DOCK9: variants seen among roughly 807,000 people sequenced by gnomAD.
The protein encoded by DOCK9 is dedicator of cytokinesis 9, also known as dedicator of cytokinesis protein 9.
In DOCK9, 89 loss-of-function variants were observed where a neutral mutation model predicts 263.3. The observed-to-expected ratio is 0.34, with a 90% CI of 0.28 to 0.40. The LOEUF (loss-of-function observed/expected upper bound fraction) is 0.40. Ranked by LOEUF, DOCK9 falls within the 10% of genes least tolerant of loss-of-function variation. DOCK9 has a pLI of 1.00. For synonymous variants in DOCK9, 976 were observed against 973.1 expected (o/e 1.00, Z -0.06); for missense variants, 2,140 against 2,603.4 (o/e 0.82, Z 3.87).
chr13:98,980,633 C>A (rs757526432), upstream of DOCK9, among the ~76,000 whole-genome samples: 1 of 152,234 alleles, frequency 6.6e-6, no homozygotes, highest in Non-Finnish European at 1.5e-5. Context: ...ATGGTAACTA[C>A]TGTATTGTTG....
At chr13:98,942,241 T>G (rs555670511) in intron 2 of DOCK9, among the ~76,000 whole-genome samples, 156 of 149,280 alleles carry the variant, frequency 1.0e-3, no homozygotes, top group African/African-American at 3.4e-3. Context: ...TGTTGTTTTT[T>G]TTTTTTGTTT....
chr13:98,835,994 C>A (rs1195814839), intron 39 of DOCK9, among the ~76,000 whole-genome samples: 1 of 152,066 alleles, frequency 6.6e-6, no homozygotes, highest in African/African-American at 2.4e-5. Flanking sequence ...CCTTGGCCTC[C>A]CAAAGTGCTG....
intron 18 of DOCK9, among the ~76,000 whole-genome samples, chr13:98,887,748 A>G (rs1293706416): frequency 6.6e-6 from 1 of 152,010 alleles, no homozygotes; most frequent in East Asian, 1.9e-4. Flanking sequence ...AGTTACCTAT[A>G]ATCTACTGCT....
intron 45 of DOCK9, among the ~76,000 whole-genome samples, chr13:98,810,986 A>T (rs997927644): frequency 1.2e-4 from 19 of 152,190 alleles, no homozygotes; most frequent in African/African-American, 4.6e-4. Flanking sequence ...GAATTCTAAG[A>T]AATGCTCCTA....
At position 98,932,821 on chromosome 13, in the gene DOCK9, C is replaced by T. The variant is rs572118444; in HGVS notation, c.244-2564G>A. 3.3e-5 allele frequency among the ~76,000 whole-genome samples: 5 copies of T among 152,274 alleles called. No homozygotes were observed. In the East Asian group the frequency reaches 5.8e-4, roughly 18 times the overall value. ...ATGAATTCTGTTCTTCACCAAAGTCCTTGGCAGGTAAATTATTTATTCCTT... is the reference window on the plus strand; with the variant it reads ...ATGAATTCTGTTCTTCACCAAAGTCTTTGGCAGGTAAATTATTTATTCCTT... On this transcript the variant is annotated intron_variant, in intron 2 of 52. Transcript: ENST00000682017.
At chr13:98,815,478 G>A (rs1436771681) in intron 45 of DOCK9, among the ~76,000 whole-genome samples, 1 of 151,766 alleles carries the variant, frequency 6.6e-6, no homozygotes, top group Non-Finnish European at 1.5e-5. Flanking sequence ...TTTTTTGTTT[G>A]TTTGTTTGTT....
intron 1 of DOCK9, among the ~76,000 whole-genome samples, chr13:99,076,774 C>T (rs762701237): frequency 3.3e-5 from 5 of 152,096 alleles, no homozygotes; most frequent in South Asian, 2.1e-4. Context: ...TATGACTGAG[C>T]CCCTGCTATG....
chr13:99,007,121 G>C (rs192811871), intron 1 of DOCK9, among the ~76,000 whole-genome samples: 1 of 151,984 alleles, frequency 6.6e-6, no homozygotes, highest in Non-Finnish European at 1.5e-5. Context: ...CAGGTGCAGT[G>C]GTTCACGCCT....
At chr13:98,900,947 T>C (rs2048184330) in intron 13 of DOCK9, among the ~76,000 whole-genome samples, 1 of 152,218 alleles carries the variant, frequency 6.6e-6, no homozygotes, top group South Asian at 2.1e-4. Flanking sequence ...TGCTGACCAG[T>C]CCTTGTCAGT....
intron 1 of DOCK9, among the ~76,000 whole-genome samples, chr13:99,039,792 C>G (rs1888280653): frequency 6.6e-6 from 1 of 152,180 alleles, no homozygotes; most frequent in South Asian, 2.1e-4. Flanking sequence ...AAAATCCTAT[C>G]TGGACTGTCC....
Position 99,060,062 on chromosome 13 carries a change from C to CTTTTTTTT in DOCK9, c.129+26153_129+26160dup, listed in dbSNP as rs71114576. On this transcript the variant is annotated intron_variant, in intron 1 of 32. Transcript: ENST00000427887. ...AGTTACAGACATTTGATTGTTTCTA[C>CTTTTTTTT]TTTTTTTTTTTTTTTTTTTTTTTTT... Among the ~76,000 whole-genome samples the CTTTTTTTT allele has an allele frequency of 1.2e-3, 75 of 61,460 alleles. 9 individuals carry two copies. The highest frequency in any genetic ancestry group is 3.7e-3 in the African/African-American group (46 of 12,596). The allele number at this position is 61,460 out of a possible 152,430, so 40.3% of individuals were successfully genotyped here. A position where few individuals can be genotyped will look rare whatever the true frequency, so the allele number is the denominator to read the frequency against.
At chr13:99,022,143 C>T (rs372048929) in intron 1 of DOCK9, among the ~76,000 whole-genome samples, 7 of 152,110 alleles carry the variant, frequency 4.6e-5, no homozygotes, top group Non-Finnish European at 8.8e-5. Context: ...TCTCAATACA[C>T]AAGAGAGTTA....
intron 1 of DOCK9, among the ~76,000 whole-genome samples, chr13:99,071,990 G>A (rs1169171384): frequency 6.6e-6 from 1 of 152,144 alleles, no homozygotes; most frequent in Non-Finnish European, 1.5e-5. Context: ...GTGTCTATTA[G>A]CGCTTGAATT....
rs373467918 is a variant in DOCK9 at position 98,849,177 on chromosome 13, G to A, written c.4014-538C>T. Among the ~76,000 whole-genome samples the A allele has an allele frequency of 7.2e-5, 11 of 152,090 alleles. No individual in the cohort carries two copies. In the South Asian group the frequency reaches 1.0e-3, roughly 14 times the overall value. ...ATGTCTAGTGAGCTCCTCTGGTGTT[G>A]AATCTCGTTTCACCACATAACTCCC... is the stretch of plus-strand genomic sequence containing the variant. On this transcript the variant is annotated intron_variant, in intron 36 of 52. Coordinates refer to ENST00000682017, the MANE Select transcript of DOCK9 (RefSeq NM_001366683.2).
chr13:98,908,204 A>G (rs2049410375), intron 9 of DOCK9, among the ~76,000 whole-genome samples: 1 of 152,234 alleles, frequency 6.6e-6, no homozygotes, highest in Non-Finnish European at 1.5e-5. Context: ...AATATCACTA[A>G]TAACCAGCAA....
chr13:98,980,104 A>G (rs1876816093), upstream of DOCK9, among the ~76,000 whole-genome samples: 1 of 152,252 alleles, frequency 6.6e-6, no homozygotes, highest in Non-Finnish European at 1.5e-5. Flanking sequence ...GGCTCACTGC[A>G]GTCTTGACCT....
chr13:98,958,271 T>A (rs1457026104), intron 1 of DOCK9, among the ~76,000 whole-genome samples: 3 of 152,208 alleles, frequency 2.0e-5, no homozygotes, highest in Non-Finnish European at 4.4e-5. Context: ...CTTCAGCAGC[T>A]TCCCCCCAGT....
intron 1 of DOCK9, among the ~76,000 whole-genome samples, chr13:99,075,576 G>C (rs1364767454): frequency 6.6e-6 from 1 of 151,568 alleles, no homozygotes; most frequent in Admixed American, 6.6e-5. Context: ...TTGTTGCCCA[G>C]GCTGGTCTGA....
intron 1 of DOCK9, among the ~76,000 whole-genome samples, chr13:99,063,499 G>A (rs1307649747): frequency 1.3e-5 from 2 of 152,126 alleles, no homozygotes; most frequent in Non-Finnish European, 2.9e-5. Context: ...CCTTTGCCTC[G>A]GGTGAGCATC....
Sources: allele counts gnomAD v4.1 joint callset (sites outside exome capture counted in the v4.1 genomes callset), GRCh38; gene constraint gnomAD v4.1.1; transcripts MANE v1.5; gene names NCBI Gene and HGNC (gene_info 2026-07-23, HGNC 2026-07-21).